CAST: variants seen among roughly 807,000 people sequenced by gnomAD.
The protein encoded by CAST is calpastatin, also known as MIR583 host.
Under a neutral mutation model 119.6 loss-of-function variants are expected in CAST, and 76 were observed. That is an observed-to-expected ratio of 0.64 (90% CI 0.53 to 0.77). The LOEUF is 0.77. Among genes scored for constraint, CAST ranks in the 30% least tolerant of loss-of-function variants. CAST has a pLI of 0.00. For missense variants in CAST, 953 were observed against 946.5 expected, an observed-to-expected ratio of 1.01 and a Z score of -0.09; for synonymous variants, 319 against 331.6, an observed-to-expected ratio of 0.96 and a Z score of 0.41.
At chr5:96,491,490 C>CAAAAAAAAAAAAAAAAAAAAAAAAAAAAA in the CAST span, among the ~76,000 whole-genome samples, 2 of 56,780 alleles carry the variant, frequency 3.5e-5, no homozygotes, top group Non-Finnish European at 3.6e-5. Flanking sequence ...GACTCCATCT[C>CAAAAAAAAAAAAAAAAAAAAAAAAAAAAA]AAAAAAAAAA....
chr5:96,477,782 G>T, the CAST span, among the ~76,000 whole-genome samples: 1 of 152,116 alleles, frequency 6.6e-6, no homozygotes, highest in African/African-American at 2.4e-5. Flanking sequence ...ATAATCAAGG[G>T]TTCTAAAAAG....
chr5:96,318,217 C>A, the CAST span, among the ~76,000 whole-genome samples: 3 of 152,222 alleles, frequency 2.0e-5, no homozygotes, highest in Non-Finnish European at 4.4e-5. Flanking sequence ...GGCTGGATTG[C>A]TGGATGATGA....
At chr5:96,565,180 TA>T (rs1454062535) in intron 1 of CAST, among the ~76,000 whole-genome samples, 2 of 149,834 alleles carry the variant, frequency 1.3e-5, no homozygotes, top group South Asian at 2.1e-4. Context: ...TTTCCCACAC[TA>T]AAAAAAATAG....
chr5:95,992,852 AT>A, the CAST span, among the ~76,000 whole-genome samples: 1 of 152,190 alleles, frequency 6.6e-6, no homozygotes, highest in East Asian at 1.9e-4. Flanking sequence ...TAAAAAGTTT[AT>A]TTAAAAAAAT....
the CAST span, among the ~76,000 whole-genome samples, chr5:96,471,038 T>G: frequency 6.6e-6 from 1 of 152,042 alleles, no homozygotes; most frequent in South Asian, 2.1e-4. Context: ...CTTACAATAG[T>G]CCTGCAGCCA....
rs1460578767 is a variant in CAST, at chr5:96,651,605, T to G, written c.61-23934T>G. ...GGAAGAAAGAGACTGAGGTTCTAAC[T>G]GCAATCTGTAAAGATTTTCACCCAT... On this transcript the variant is annotated intron_variant, in intron 1 of 11. Transcript: ENST00000505143. Among the ~76,000 whole-genome samples, 3 of 152,222 alleles carry G rather than the reference T, an allele frequency of 2.0e-5. No individual in the cohort carries two copies. In the East Asian group the frequency reaches 5.8e-4, roughly 29 times the overall value.
the CAST span, among the ~76,000 whole-genome samples, chr5:96,072,312 A>G: frequency 6.6e-6 from 1 of 152,162 alleles, no homozygotes; most frequent in African/African-American, 2.4e-5. Flanking sequence ...CAATTTTGAA[A>G]CAGCCACTGT....
rs1456034240 is a variant in CAST at position 96,530,847 on chromosome 5, A to G, written c.60+967A>G. Among the ~76,000 whole-genome samples the G allele has an allele frequency of 2.0e-5, 3 of 152,174 alleles. No individual in the cohort carries two copies. The East Asian group carries it at 5.8e-4, about 29-fold the overall frequency. ...TACTCTGTCTCCCAGGCTGGAGTAC[A>G]GTGGCACAATCCTGGCTCACTATAA... On this transcript the variant is annotated intron_variant, in intron 1 of 11. Transcript: ENST00000505143.
Position 96,566,887 on chromosome 5 carries a change from G to A in CAST, c.60+37007G>A, listed in dbSNP as rs536493578. ...GGTCATTGAGTTTGTAAAACACTGA[G>A]AGTGCTTTACTTATGTTTTAGTTTC... On this transcript the variant is annotated intron_variant, in intron 1 of 11. Transcript: ENST00000505143. 6.6e-5 allele frequency among the ~76,000 whole-genome samples: 10 copies of A among 152,316 alleles called. No homozygotes were observed. In the South Asian group the frequency reaches 2.1e-3, roughly 32 times the overall value.
intron 3 of CAST, among the ~76,000 whole-genome samples, chr5:96,718,053 G>T (rs900291741): frequency 6.6e-6 from 1 of 152,154 alleles, no homozygotes; most frequent in Non-Finnish European, 1.5e-5. Flanking sequence ...ATGGTGATAA[G>T]GACTGGAACT....
the CAST span, among the ~76,000 whole-genome samples, chr5:96,404,689 G>T: frequency 6.6e-6 from 1 of 152,152 alleles, no homozygotes; most frequent in Admixed American, 6.5e-5. Flanking sequence ...CCCTCACAGG[G>T]CTGTGGGAGG....
chr5:96,487,362 T>C, the CAST span, among the ~76,000 whole-genome samples: 1 of 152,210 alleles, frequency 6.6e-6, no homozygotes, highest in Non-Finnish European at 1.5e-5. Flanking sequence ...TATCATAGCA[T>C]AATAACATTT....
the CAST span, among the ~76,000 whole-genome samples, chr5:96,316,078 A>G: frequency 6.6e-6 from 1 of 152,214 alleles, no homozygotes; most frequent in Non-Finnish European, 1.5e-5. Context: ...ACATCTGGAG[A>G]TATAATTAAA....
chr5:96,549,967 C>T (rs1227766766), intron 1 of CAST, among the ~76,000 whole-genome samples: 1 of 152,216 alleles, frequency 6.6e-6, no homozygotes, highest in African/African-American at 2.4e-5. Flanking sequence ...GATTCCACCT[C>T]TGGGGGCAGG....
the CAST span, among the ~76,000 whole-genome samples, chr5:96,257,825 T>G: frequency 6.6e-6 from 1 of 152,258 alleles, no homozygotes; most frequent in African/African-American, 2.4e-5. Context: ...GCACTATGCA[T>G]GGCATCCAGG....
At chr5:96,318,095 A>G in the CAST span, among the ~76,000 whole-genome samples, 1 of 151,770 alleles carries the variant, frequency 6.6e-6, no homozygotes, top group Admixed American at 6.6e-5. Flanking sequence ...ATCTGAACTT[A>G]AAAAAAAATC....
At chr5:96,336,469 T>A in the CAST span, among the ~76,000 whole-genome samples, 2 of 152,220 alleles carry the variant, frequency 1.3e-5, no homozygotes, top group African/African-American at 4.8e-5. Flanking sequence ...GATATTTGTG[T>A]GCCCTGTTTG....
the CAST span, among the ~76,000 whole-genome samples, chr5:96,284,401 G>A: frequency 1.3e-5 from 2 of 152,258 alleles, no homozygotes; most frequent in South Asian, 2.1e-4. Context: ...CCCATACAGA[G>A]CCCCTAGACC....
chr5:96,416,227 T>G, the CAST span: 1 of 785,498 alleles, frequency 1.3e-6, no homozygotes, highest in African/African-American at 1.7e-5. Context: ...TTGTCGGCCT[T>G]GTTACTGTTT....
Sources: allele counts gnomAD v4.1 joint callset (sites outside exome capture counted in the v4.1 genomes callset), GRCh38; gene constraint gnomAD v4.1.1; transcripts MANE v1.5; gene names NCBI Gene and HGNC (gene_info 2026-07-23, HGNC 2026-07-21).